IL13: variants seen among roughly 807,000 people sequenced by gnomAD.
IL13 encodes the protein interleukin-13.
A neutral mutation model predicts 11.1 loss-of-function variants in IL13; 9 were observed. That is an observed-to-expected ratio of 0.81 (90% CI 0.49 to 1.42). The LOEUF is 1.42. Among genes scored for constraint, IL13 ranks in the 40% most tolerant of loss-of-function variants. IL13 has a pLI of 0.00. For synonymous variants in IL13, 75 were observed against 76.9 expected (o/e 0.97, Z 0.13); for missense variants, 181 against 182.5 (o/e 0.99, Z 0.05).
At chr5:132,660,056 C>A in intron 3 of IL13, 119 bp from the exon 4 acceptor site, 2 of 1,244,122 alleles carry the variant, frequency 1.6e-6, no homozygotes, top group South Asian at 1.5e-5. Context: ...ACTAACAGTA[C>A]CCACCTCATG....
rs763882844 is a variant in IL13, at chr5:132,660,271, C to T, written c.430C>T (p.Gln144Ter). 15 of 1,613,982 alleles carry T rather than the reference C, an allele frequency of 9.3e-6. No homozygotes were observed. In the South Asian group the frequency reaches 9.9e-5, roughly 11 times the overall value. Residue 144 changes from glutamine to a stop codon, truncating the protein, a stop_gained, in exon 4 of 4, where the codon CAG becomes TAG. Coordinates refer to ENST00000304506, the MANE Select transcript of IL13 (RefSeq NM_002188.3). LOFTEE classifies it high-confidence loss of function. ...LHLKKLFREG[Q>*]FN ...TTTAAAGAAACTTTTTCGCGAGGGA[C>T]AGTTCAACTGAAACTTCGAAAGCAT...
In IL13 at chr5:132,658,224, G is replaced by C. The variant is rs529456706; in HGVS notation, c.38G>C (p.Gly13Ala). The C allele has an allele frequency of 7.4e-6, 12 of 1,612,558 alleles. No individual in the cohort carries two copies. The highest frequency in any genetic ancestry group is 1.0e-5 in the Non-Finnish European group (12 of 1,178,974). ...PLLNPLLLAL[G>A]LMALLLTTVI... ...CTCAATCCTCTCCTGTTGGCACTGG[G>C]CCTCATGGCGCTTTTGTTGACCACG... The change falls in exon 1 of 4, where the codon GGC (glycine) becomes GCC (alanine). Residue 13 changes from glycine (G) to alanine (A), a missense_variant. Gly to Ala is a moderately conservative substitution (Grantham distance 60). Coordinates refer to ENST00000304506, the MANE Select transcript of IL13 (RefSeq NM_002188.3).
rs1752117932 is a variant in IL13 at position 132,659,971 on chromosome 5, G to A, written c.333+143G>A. 1.4e-6 allele frequency: 2 copies of A among 1,444,568 alleles called. No homozygotes were observed. Among genetic ancestry groups the A allele is most frequent in the African/African-American group, 2.8e-5 (2 of 70,444 alleles). 89.5% of individuals were successfully genotyped at this position (1,444,568 alleles called of 1,614,324 possible). ...TGTGGCAGCAGGGACGTGGCCTTCG[G>A]GATTTACAGGATCTGGGCTCAAGGG... On this transcript the variant is annotated intron_variant, in intron 3 of 3. Coordinates refer to ENST00000304506, the MANE Select transcript of IL13 (RefSeq NM_002188.3). This position sits in a 1 kb window ranked among gnomAD's most constrained non-coding sequence, Gnocchi z 4.1.
chr5:132,659,747 G>A lies in IL13; in HGVS notation c.252G>A (p.Leu84=). ...AGMYCAALES[L]INVSGCSAIE... The stretch of plus-strand genomic sequence containing the variant: ...AGTACTGTGCAGCCCTGGAATCCCT[G>A]ATCAACGTGTCAGGCTGCAGTGCCA... Residue 84 remains leucine (L), a synonymous_variant, in exon 3 of 4, where the codon CTG becomes CTA. Coordinates refer to ENST00000304506, the MANE Select transcript of IL13 (RefSeq NM_002188.3). This position sits in a 1 kb window ranked among gnomAD's most constrained non-coding sequence, Gnocchi z 4.1. 1 of 1,613,970 alleles carries A rather than the reference G, an allele frequency of 6.2e-7. No individual in the cohort carries two copies. The highest frequency in any genetic ancestry group is 8.5e-7 in the Non-Finnish European group (1 of 1,180,014).
At position 132,659,138 on chromosome 5, in the gene IL13, C is replaced by A. The variant is rs960092110; in HGVS notation, c.175-280C>A. 2 of 438,582 alleles carry A rather than the reference C, an allele frequency of 4.6e-6. No individual in the cohort carries two copies. 27.2% of individuals were successfully genotyped at this position (438,582 alleles called of 1,614,324 possible). ...GCCCTTCCCGCAGGCCCCTGTCCTC[C>A]TGCCCTGACTATGGCAAGCCTTGCA... On this transcript the variant is annotated intron_variant, in intron 1 of 3. Coordinates refer to ENST00000304506, the MANE Select transcript of IL13 (RefSeq NM_002188.3). This position sits in a 1 kb window ranked among gnomAD's most constrained non-coding sequence, Gnocchi z 4.1.
chr5:132,657,645 G>A (rs1752064458), upstream of IL13, among the ~76,000 whole-genome samples: 1 of 152,166 alleles, frequency 6.6e-6, no homozygotes, highest in Non-Finnish European at 1.5e-5. Flanking sequence ...GCCAAAAGAA[G>A]TGAACTTTAC....
At position 132,659,885 on chromosome 5, in the gene IL13, G is replaced by A; in HGVS notation, c.333+57G>A. On this transcript the variant is annotated intron_variant, in intron 3 of 3. Coordinates refer to ENST00000304506, the MANE Select transcript of IL13 (RefSeq NM_002188.3). This position sits in a 1 kb window ranked among gnomAD's most constrained non-coding sequence, Gnocchi z 4.1. The stretch of plus-strand genomic sequence containing the variant: ...CTGCACCCCCTCCTGCCAACCCTGG[G>A]CTCGCTGAAGGGAAGCTGGCTGAAT... The A allele has an allele frequency of 6.3e-7, 1 of 1,589,858 alleles. No individual in the cohort carries two copies. Among genetic ancestry groups the A allele is most frequent in the South Asian group, 1.1e-5 (1 of 88,004 alleles).
rs754520718 is a variant in IL13 at position 132,659,836 on chromosome 5, ATCCCCCACCC to A, written c.333+11_333+20del. 1.2e-6 allele frequency: 2 copies of A among 1,613,068 alleles called. No homozygotes were observed. Among genetic ancestry groups the A allele is most frequent in the South Asian group, 2.2e-5 (2 of 91,014 alleles). On this transcript the variant is annotated intron_variant, in intron 3 of 3. Coordinates refer to ENST00000304506, the MANE Select transcript of IL13 (RefSeq NM_002188.3). The surrounding 1 kb of genome is among the most constrained non-coding windows in gnomAD (Gnocchi z 4.1). ...CACAAGGTCTCAGCTGGGGTAAGGCATCCCCCACCCTCTCACACCCACCCTGCACCCCCTC... is the reference window on the plus strand; with the variant it reads ...CACAAGGTCTCAGCTGGGGTAAGGCATCTCACACCCACCCTGCACCCCCTC...
In IL13 at chr5:132,660,480, C is replaced by T; in HGVS notation, c.*198C>T. Reference sequence around the variant, plus strand: ...CTCAGCCTTCCCCTTGCCCAGGGCTCAGCCTGGTGGGCCTCCTCTGTCCAG... The same window carrying T: ...CTCAGCCTTCCCCTTGCCCAGGGCTTAGCCTGGTGGGCCTCCTCTGTCCAG... On this transcript the variant is annotated 3_prime_UTR_variant, in exon 4 of 4. Coordinates refer to ENST00000304506, the MANE Select transcript of IL13 (RefSeq NM_002188.3). 1.1e-6 allele frequency: 1 copy of T among 912,304 alleles called. No homozygotes were observed. Among genetic ancestry groups the T allele is most frequent in the East Asian group, 3.2e-5 (1 of 31,470 alleles). The allele number at this position is 912,304 out of a possible 1,614,324, so 56.5% of individuals were successfully genotyped here. A position where few individuals can be genotyped will look rare whatever the true frequency, so the allele number is the denominator to read the frequency against.
chr5:132,658,193 C>T lies in IL13; in HGVS notation c.7C>T (p.Pro3Ser), dbSNP rs1752074244. Residue 3 changes from proline (P) to serine (S), a missense_variant, in exon 1 of 4, where the codon CCG (proline) becomes TCG (serine). Physicochemically the swap from Pro to Ser is moderately conservative, Grantham distance 74. Coordinates refer to ENST00000304506, the MANE Select transcript of IL13 (RefSeq NM_002188.3). MH[P>S]LLNPLLLALG... ...GCCACAAGCCACCCAGCCTATGCATCCGCTCCTCAATCCTCTCCTGTTGGC... is the reference window on the plus strand; with the variant it reads ...GCCACAAGCCACCCAGCCTATGCATTCGCTCCTCAATCCTCTCCTGTTGGC... The T allele has an allele frequency of 3.7e-6, 6 of 1,601,608 alleles. No homozygotes were observed. The highest frequency in any genetic ancestry group is 5.1e-6 in the Non-Finnish European group (6 of 1,173,000).
intron 1 of IL13, chr5:132,658,622 C>G (rs1200710101): frequency 4.8e-6 from 2 of 415,158 alleles, no homozygotes; most frequent in Non-Finnish European, 8.6e-6. Flanking sequence ...CCACTGCCAG[C>G]TCCTACTCAG....
In IL13 at chr5:132,660,454, C is replaced by T. The variant is rs1176586532; in HGVS notation, c.*172C>T. ...TGCTGCCCGTCTTCAGCCTAGCCGA[C>T]CTCAGCCTTCCCCTTGCCCAGGGCT... On this transcript the variant is annotated 3_prime_UTR_variant, in exon 4 of 4. Coordinates refer to ENST00000304506, the MANE Select transcript of IL13 (RefSeq NM_002188.3). 1 of 1,160,296 alleles carries T rather than the reference C, an allele frequency of 8.6e-7. No individual in the cohort carries two copies. Among genetic ancestry groups the T allele is most frequent in the Non-Finnish European group, 1.2e-6 (1 of 859,760 alleles). 71.9% of individuals were successfully genotyped at this position (1,160,296 alleles called of 1,614,324 possible).
upstream of IL13, among the ~76,000 whole-genome samples, chr5:132,657,750 C>A (rs1752066327): frequency 2.0e-5 from 3 of 152,170 alleles, no homozygotes; most frequent in African/African-American, 7.2e-5. Flanking sequence ...CCCCAAATTC[C>A]CATAGCTGGT....
chr5:132,656,642 C>T (rs1198013533), upstream of IL13: 2 of 152,756 alleles, frequency 1.3e-5, no homozygotes, highest in Non-Finnish European at 2.9e-5. Context: ...TAGTTCCCCG[C>T]TCCTTCCCCC....
Position 132,659,100 on chromosome 5 carries a change from C to G in IL13, c.175-318C>G, listed in dbSNP as rs748664591. On this transcript the variant is annotated intron_variant, in intron 1 of 3. Transcript: ENST00000304506. This position sits in a 1 kb window ranked among gnomAD's most constrained non-coding sequence, Gnocchi z 4.1. ...TGGCCCAGGCCACTCCTACTTCACT[C>G]GTCCCCACCCTGGCCCTTCCCGCAG... 5.5e-6 allele frequency: 2 copies of G among 362,852 alleles called. No homozygotes were observed. Among genetic ancestry groups the G allele is most frequent in the Non-Finnish European group, 1.1e-5 (2 of 189,072 alleles). 22.5% of individuals were successfully genotyped at this position (362,852 alleles called of 1,614,324 possible).
chr5:132,656,539 T>C, upstream of IL13: 1 of 152,438 alleles, frequency 6.6e-6, no homozygotes, highest in Non-Finnish European at 1.5e-5. Context: ...GGGGCGCCCC[T>C]GCCCACCGCT....
chr5:132,658,127 G>A (rs201578359), upstream of IL13: 17 of 901,866 alleles, frequency 1.9e-5, no homozygotes, highest in East Asian at 1.2e-4. Context: ...GGTGTCAGGC[G>A]TCACCACTTG....
At chr5:132,660,017 C>T (rs975205774) in intron 3 of IL13, among the ~76,000 whole-genome samples, 158 bp from the exon 4 acceptor site, 5 of 152,172 alleles carry the variant, frequency 3.3e-5, no homozygotes, top group African/African-American at 1.2e-4. Context: ...CTACCTGGGC[C>T]TCAATTTCCA....
intron 1 of IL13, chr5:132,658,613 C>T: frequency 2.4e-6 from 1 of 423,932 alleles, no homozygotes; most frequent in Non-Finnish European, 4.2e-6. Context: ...CCTTGTCTGC[C>T]ACTGCCAGCT....
Sources: allele counts gnomAD v4.1 joint callset (sites outside exome capture counted in the v4.1 genomes callset), GRCh38; gene constraint gnomAD v4.1.1; non-coding constraint Gnocchi (gnomAD v3.1); transcripts MANE v1.5; gene names NCBI Gene and HGNC (gene_info 2026-07-23, HGNC 2026-07-21).